The following RPP38 variants were observed in gnomAD, a reference collection of about 807,000 sequenced individuals.
RPP38 encodes ribonuclease P/MRP subunit p38.
Under a neutral mutation model 1.7 loss-of-function variants are expected in RPP38, and 2 were observed. The observed-to-expected ratio is 1.18, with a 90% CI of 0.48 to 3.70. The LOEUF is 3.70. Among genes scored for constraint, RPP38 ranks in the 30% most tolerant of loss-of-function variants. The pLI, the probability that RPP38 is intolerant of heterozygous loss-of-function variation, is 0.07. For missense variants in RPP38, 358 were observed against 340.1 expected (o/e 1.05, Z -0.41); for synonymous variants, 151 against 131.8 (o/e 1.15, Z -1.00).
At chr10:15,101,716 C>A (rs1362186756) in intron 1 of RPP38, among the ~76,000 whole-genome samples, 1 of 151,974 alleles carries the variant, frequency 6.6e-6, no homozygotes, top group African/African-American at 2.4e-5. Context: ...CATGGTGAAC[C>A]CCATCTCTAC....
intron 1 of RPP38, among the ~76,000 whole-genome samples, chr10:15,100,666 A>G (rs897849525): frequency 6.6e-6 from 1 of 151,506 alleles, no homozygotes; most frequent in African/African-American, 2.4e-5. Flanking sequence ...CCGGCTCTGA[A>G]TCAGATTCAC....
chr10:15,101,574 G>A (rs1339207218), intron 1 of RPP38, among the ~76,000 whole-genome samples: 1 of 152,168 alleles, frequency 6.6e-6, no homozygotes, highest in Non-Finnish European at 1.5e-5. Flanking sequence ...GCCAGCCAGA[G>A]AAGTCAGCTC....
At chr10:15,101,257 C>T (rs10906829) in intron 1 of RPP38, among the ~76,000 whole-genome samples, 5,107 of 152,288 alleles carry the variant, frequency 0.034, 99 homozygotes, top group Admixed American at 0.035. Flanking sequence ...CAGCGATACA[C>T]TGCACAGACA....
intron 1 of RPP38, among the ~76,000 whole-genome samples, chr10:15,100,092 A>G (rs1311712443): frequency 6.6e-6 from 1 of 152,172 alleles, no homozygotes; most frequent in African/African-American, 2.4e-5. Context: ...TTTCTGGATT[A>G]TATTGCGTGA....
At position 15,103,851 on chromosome 10, in the gene RPP38, C is replaced by G; in HGVS notation, c.537C>G (p.Ala179=). Residue 179 remains alanine (A), a synonymous_variant, in exon 3 of 3, where the codon GCC becomes GCG. Transcript: ENST00000378197. Reference sequence around the variant, plus strand: ...TCATTGGCTTAAAATGTGTTCTAGCCTTGGCGTTCAAAAAGAACACCACTG... The same window carrying G: ...TCATTGGCTTAAAATGTGTTCTAGCGTTGGCGTTCAAAAAGAACACCACTG... ...APVIGLKCVL[A]LAFKKNTTDF... 3 of 1,614,104 alleles carry G rather than the reference C, an allele frequency of 1.9e-6. No individual in the cohort carries two copies. In the South Asian group the frequency reaches 3.3e-5, roughly 18 times the overall value.
At position 15,103,617 on chromosome 10, in the gene RPP38, G is replaced by A; in HGVS notation, c.303G>A (p.Val101=). Residue 101 remains valine, a synonymous_variant, in exon 3 of 3, where the codon GTG becomes GTA. Coordinates refer to ENST00000378197, the MANE Select transcript of RPP38 (RefSeq NM_183005.5). Reference sequence around the variant, plus strand: ...AGAAAACAGATGCTAAGCAGCAAGTGTCAGGGTGGACGCCTGCACACGTCA... The same window carrying A: ...AGAAAACAGATGCTAAGCAGCAAGTATCAGGGTGGACGCCTGCACACGTCA... The part of the protein sequence containing the change: ...KEKKTDAKQQ[V]SGWTPAHVRK... 6.2e-7 allele frequency: 1 copy of A among 1,614,152 alleles called. No homozygotes were observed. The highest frequency in any genetic ancestry group is 8.5e-7 in the Non-Finnish European group (1 of 1,180,032).
At chr10:15,100,628 C>T (rs1013878488) in intron 1 of RPP38, among the ~76,000 whole-genome samples, 2 of 151,838 alleles carry the variant, frequency 1.3e-5, no homozygotes, top group African/African-American at 4.8e-5. Context: ...TGTGGAAACA[C>T]CCTGTCCTAC....
rs1589274878 is a variant in RPP38, at chr10:15,103,347, A to G, written c.33A>G (p.Gly11=). The G allele has an allele frequency of 6.3e-7, 1 of 1,595,308 alleles. No individual in the cohort carries two copies. Among genetic ancestry groups the G allele is most frequent in the Non-Finnish European group, 8.5e-7 (1 of 1,172,396 alleles). The change falls in exon 3 of 3, where the codon GGA becomes GGG. Residue 11 remains glycine (G), a synonymous_variant. Coordinates refer to ENST00000378197, the MANE Select transcript of RPP38 (RefSeq NM_183005.5). MAAAPQAPGR[G]SLRKTRPLVV... Reference sequence around the variant, plus strand: ...CAGCTCCTCAAGCACCGGGGCGGGGATCTCTCCGTAAGACGAGACCTCTGG... The same window carrying G: ...CAGCTCCTCAAGCACCGGGGCGGGGGTCTCTCCGTAAGACGAGACCTCTGG...
chr10:15,100,074 GTACTTTGTTTC>G (rs1204962334), intron 1 of RPP38, among the ~76,000 whole-genome samples: 1 of 152,200 alleles, frequency 6.6e-6, no homozygotes, highest in Non-Finnish European at 1.5e-5. Flanking sequence ...TTATCAGTCA[GTACTTTGTTTC>G]TGGATTATAT....
chr10:15,099,718 A>G (rs1845060049), intron 1 of RPP38, among the ~76,000 whole-genome samples: 1 of 152,098 alleles, frequency 6.6e-6, no homozygotes, highest in Admixed American at 6.6e-5. Context: ...ACCTCAAGTG[A>G]TCTGTCCAGC....
At chr10:15,099,050 C>T (rs1474954441) in intron 1 of RPP38, among the ~76,000 whole-genome samples, 2 of 118,608 alleles carry the variant, frequency 1.7e-5, no homozygotes, top group African/African-American at 6.2e-5. Flanking sequence ...TCCTCGTGGA[C>T]TCTAAGCTCA....
At chr10:15,103,025 T>TA (rs955797090) in intron 2 of RPP38, 138 of 202,916 alleles carry the variant, frequency 6.8e-4, no homozygotes, top group East Asian at 1.1e-3. Flanking sequence ...CTGTCTCTAC[T>TA]AAAAAAAAAT....
In RPP38 at chr10:15,103,406, T is replaced by C; in HGVS notation, c.92T>C (p.Ile31Thr). ...VKTSLNNPYI[I>T]RWSALESEDM... ...ACGTCGTTGAACAACCCATACATCATCCGCTGGAGCGCTCTGGAGAGCGAG... is the reference window on the plus strand; with the variant it reads ...ACGTCGTTGAACAACCCATACATCACCCGCTGGAGCGCTCTGGAGAGCGAG... Residue 31 changes from isoleucine (I) to threonine (T), a missense_variant, in exon 3 of 3, where the codon ATC becomes ACC. Transcript: ENST00000378197. 1.2e-6 allele frequency: 2 copies of C among 1,614,154 alleles called. No homozygotes were observed. The highest frequency in any genetic ancestry group is 1.7e-6 in the Non-Finnish European group (2 of 1,180,042).
intron 1 of RPP38, among the ~76,000 whole-genome samples, chr10:15,100,585 G>C (rs556646174): frequency 2.6e-5 from 4 of 151,990 alleles, no homozygotes; most frequent in Non-Finnish European, 4.4e-5. Flanking sequence ...GAGACCAATA[G>C]CGCTCAGGGG....
At chr10:15,098,234 T>G (rs955634353) in intron 1 of RPP38, among the ~76,000 whole-genome samples, 1 of 142,984 alleles carries the variant, frequency 7.0e-6, no homozygotes, top group Non-Finnish European at 1.5e-5. Context: ...GTGTTTTTTT[T>G]TTTTTTTTTT....
At chr10:15,099,064 G>A (rs1845038742) in intron 1 of RPP38, among the ~76,000 whole-genome samples, 1 of 151,004 alleles carries the variant, frequency 6.6e-6, no homozygotes, top group African/African-American at 2.5e-5. Flanking sequence ...AAGCTCATGA[G>A]GTCTGTGAGA....
In RPP38 at chr10:15,101,613, G is replaced by A. The variant is rs147953427; in HGVS notation, c.-129-605G>A. On this transcript the variant is annotated intron_variant, in intron 1 of 2. Coordinates refer to ENST00000378197, the MANE Select transcript of RPP38 (RefSeq NM_183005.5). ...GTCCCCCTAAAAAGGAGGACTGGCCGGGAGTGGTGGCTCGTTCCTGTAATC... is the reference window on the plus strand; with the variant it reads ...GTCCCCCTAAAAAGGAGGACTGGCCAGGAGTGGTGGCTCGTTCCTGTAATC... Among the ~76,000 whole-genome samples the A allele has an allele frequency of 2.1e-4, 32 of 152,248 alleles. No homozygotes were observed. The East Asian group carries it at 5.2e-3, about 25-fold the overall frequency.
chr10:15,098,770 C>G (rs1372893764), intron 1 of RPP38, among the ~76,000 whole-genome samples: 1 of 151,206 alleles, frequency 6.6e-6, no homozygotes, highest in Non-Finnish European at 1.5e-5. Flanking sequence ...CCTGTAGTCC[C>G]AGCTACTCGG....
At chr10:15,102,747 C>T (rs1203899755) in intron 2 of RPP38, 1 of 152,140 alleles carries the variant, frequency 6.6e-6, no homozygotes, top group African/African-American at 2.4e-5. Flanking sequence ...CACCCATAGT[C>T]CTGAGTATTT....
Sources: allele counts gnomAD v4.1 joint callset (sites outside exome capture counted in the v4.1 genomes callset), GRCh38; gene constraint gnomAD v4.1.1; transcripts MANE v1.5; gene names NCBI Gene and HGNC (gene_info 2026-07-23, HGNC 2026-07-21).